Variants in WDFY3 observed in about 807,000 individuals in gnomAD.
WDFY3 encodes WD repeat and FYVE domain containing 3, also known as WD repeat and FYVE domain-containing protein 3.
In WDFY3, 66 loss-of-function variants were observed where a neutral mutation model predicts 409.6. That is an observed-to-expected ratio of 0.16 (90% CI 0.13 to 0.20). The LOEUF (loss-of-function observed/expected upper bound fraction) is 0.20. WDFY3 is among the 10% of genes least tolerant of loss of function. The pLI is 1.00. For missense variants in WDFY3, 3,031 were observed against 4,298.1 expected, an observed-to-expected ratio of 0.71 and a Z score of 8.24; for synonymous variants, 1,521 against 1,537.1, an observed-to-expected ratio of 0.99 and a Z score of 0.25.
At chr4:84,763,952 C>T (rs1743161751) in intron 32 of WDFY3, among the ~76,000 whole-genome samples, 1 of 152,090 alleles carries the variant, frequency 6.6e-6, no homozygotes, top group Admixed American at 6.5e-5. Flanking sequence ...AGTATTACTG[C>T]CTAGCGAAAT....
intron 23 of WDFY3, among the ~76,000 whole-genome samples, chr4:84,786,535 C>T (rs992262197): frequency 2.0e-5 from 3 of 152,166 alleles, no homozygotes; most frequent in Non-Finnish European, 4.4e-5. Flanking sequence ...TCAGATATGC[C>T]TGCCTGTATT....
intron 1 of WDFY3, among the ~76,000 whole-genome samples, chr4:84,956,955 T>A (rs191597109): frequency 5.7e-4 from 84 of 148,320 alleles, no homozygotes; most frequent in African/African-American, 2.1e-3. Context: ...AATACATGAA[T>A]AGAAGCAGGT....
chr4:84,947,453 A>G (rs1195481466), intron 1 of WDFY3, among the ~76,000 whole-genome samples: 1 of 150,516 alleles, frequency 6.6e-6, no homozygotes, highest in Non-Finnish European at 1.5e-5. Context: ...TGGAGGTTGC[A>G]GTGAGCCAAG....
rs1454105049 is a variant in WDFY3 at position 84,794,676 on chromosome 4, ATGT to A, written c.3327_3329del (p.Glu1109_His1110delinsAsp). 3.1e-6 allele frequency: 5 copies of A among 1,614,074 alleles called. No individual in the cohort carries two copies. The highest frequency in any genetic ancestry group is 2.5e-6 in the Non-Finnish European group (3 of 1,179,998). The stretch of plus-strand genomic sequence containing the variant: ...GGTGGTTATTTGGAGGAGAACTAAA[ATGT>A]TCAATACAAAACCAGCTAGAGTAAC... On this transcript the variant is annotated inframe_deletion, in exon 21 of 68. Coordinates refer to ENST00000295888, the MANE Select transcript of WDFY3 (RefSeq NM_014991.6).
chr4:84,698,272 T>C (rs917009847), intron 56 of WDFY3, among the ~76,000 whole-genome samples: 3 of 147,654 alleles, frequency 2.0e-5, no homozygotes, highest in East Asian at 4.0e-4. Flanking sequence ...TCTAATTCTA[T>C]ATAATATATA....
At chr4:84,782,140 C>T (rs548926040) in intron 25 of WDFY3, among the ~76,000 whole-genome samples, 5 of 152,250 alleles carry the variant, frequency 3.3e-5, no homozygotes, top group South Asian at 4.1e-4. Flanking sequence ...AGAATGTCCA[C>T]GCTCTAAATT....
At chr4:84,928,930 C>A (rs186910192) in intron 2 of WDFY3, among the ~76,000 whole-genome samples, 1 of 152,280 alleles carries the variant, frequency 6.6e-6, no homozygotes, top group East Asian at 1.9e-4. Context: ...CTCCCAATGA[C>A]CCTACCTCCT....
chr4:84,859,381 A>G (rs1157797086), intron 4 of WDFY3, among the ~76,000 whole-genome samples: 1 of 152,052 alleles, frequency 6.6e-6, no homozygotes, highest in South Asian at 2.1e-4. Flanking sequence ...AGAGGAAGTA[A>G]AGAAGCTAAT....
chr4:84,904,549 A>G (rs573526044), intron 2 of WDFY3, among the ~76,000 whole-genome samples: 41 of 152,316 alleles, frequency 2.7e-4, no homozygotes, highest in Non-Finnish European at 4.9e-4. Context: ...TTTTAAAAAT[A>G]AATAAATAAG....
chr4:84,702,215 A>T, intron 56 of WDFY3, 138 bp downstream of exon 56: 1 of 970,222 alleles, frequency 1.0e-6, no homozygotes, highest in Non-Finnish European at 1.5e-6. Context: ...ACACCCAATT[A>T]CAGCAAATGA....
At chr4:84,918,008 T>C (rs1427338796) in intron 2 of WDFY3, among the ~76,000 whole-genome samples, 2 of 152,110 alleles carry the variant, frequency 1.3e-5, no homozygotes, top group Non-Finnish European at 2.9e-5. Context: ...CAAAATACCA[T>C]TTCTTTGCCC....
At chr4:84,822,216 A>T (rs1183420441) in intron 10 of WDFY3, among the ~76,000 whole-genome samples, 1 of 152,192 alleles carries the variant, frequency 6.6e-6, no homozygotes, top group African/African-American at 2.4e-5. Context: ...AAAGAAATTA[A>T]GACAGAAAGT....
rs562988971 is a variant in WDFY3 at position 84,936,242 on chromosome 4, G to T, written c.-225-3879C>A. Among the ~76,000 whole-genome samples the T allele has an allele frequency of 8.1e-3, 1,236 of 152,164 alleles. 13 individuals carry two copies. The highest frequency in any genetic ancestry group is 0.028 in the African/African-American group (1,159 of 41,530). ...CTGGGTCTTATCATACTCTTTGGGT[G>T]GGGAGTGGTGGCTCACGCCTGTAAT... On this transcript the variant is annotated intron_variant, in intron 1 of 67. Transcript: ENST00000295888.
chr4:84,845,270 G>GT (rs887541166), intron 5 of WDFY3, among the ~76,000 whole-genome samples: 15 of 152,250 alleles, frequency 9.9e-5, no homozygotes, highest in Admixed American at 3.3e-4. Flanking sequence ...CACTTCACCT[G>GT]TTTTTTTGTA....
chr4:84,885,329 T>C (rs1428014265), intron 3 of WDFY3, among the ~76,000 whole-genome samples: 1 of 77,590 alleles, frequency 1.3e-5, no homozygotes, highest in South Asian at 5.1e-4. Context: ...TACATATACA[T>C]ATGTGTGTGT....
intron 2 of WDFY3, among the ~76,000 whole-genome samples, chr4:84,899,323 C>T (rs1766041660): frequency 6.6e-6 from 1 of 152,052 alleles, no homozygotes; most frequent in South Asian, 2.1e-4. Context: ...AAGACAAGAC[C>T]AAAGCCTGTC....
At chr4:84,713,923 C>G (rs1733374348) in intron 50 of WDFY3, among the ~76,000 whole-genome samples, 1 of 152,030 alleles carries the variant, frequency 6.6e-6, no homozygotes, top group Admixed American at 6.6e-5. Context: ...TCGAGACCAT[C>G]CTGGCCAACA....
intron 36 of WDFY3, among the ~76,000 whole-genome samples, chr4:84,747,327 CT>C (rs1739639091): frequency 6.6e-6 from 1 of 152,172 alleles, no homozygotes; most frequent in African/African-American, 2.4e-5. Flanking sequence ...GGCTGGAAGC[CT>C]TTAAAGATAG....
intron 64 of WDFY3, among the ~76,000 whole-genome samples, chr4:84,681,987 A>G (rs2148779209): frequency 6.6e-6 from 1 of 152,326 alleles, no homozygotes; most frequent in South Asian, 2.1e-4. Flanking sequence ...TGTTGTCCAC[A>G]CTGAGCCAGC....
Sources: allele counts gnomAD v4.1 joint callset (sites outside exome capture counted in the v4.1 genomes callset), GRCh38; gene constraint gnomAD v4.1.1; transcripts MANE v1.5; gene names NCBI Gene and HGNC (gene_info 2026-07-23, HGNC 2026-07-21).